The following RALGPS2 variants were observed in gnomAD, a reference collection of about 807,000 sequenced individuals.
The protein encoded by RALGPS2 is Ral GEF with PH domain and SH3 binding motif 2, also known as ras-specific guanine nucleotide-releasing factor RalGPS2.
In RALGPS2, 43 loss-of-function variants were observed where a neutral mutation model predicts 86.8. The ratio of observed to expected loss-of-function variants is 0.50; its 90% CI spans 0.39 to 0.64. The LOEUF (loss-of-function observed/expected upper bound fraction) is 0.64, where lower values mean the gene tolerates loss of function less well. RALGPS2 is among the 30% of genes least tolerant of loss of function. RALGPS2 has a pLI of 0.00. For synonymous variants in RALGPS2, 243 were observed against 231.3 expected (o/e 1.05, Z -0.46); for missense variants, 536 against 694.6 (o/e 0.77, Z 2.57).
intron 4 of RALGPS2, among the ~76,000 whole-genome samples, chr1:178,792,350 A>G (rs2102147823): frequency 6.6e-6 from 1 of 152,332 alleles, no homozygotes; most frequent in South Asian, 2.1e-4. Flanking sequence ...CCAAAAATTC[A>G]GCCTTTCCAC....
At chr1:178,760,019 T>C (rs1572295244) in intron 1 of RALGPS2, among the ~76,000 whole-genome samples, 1 of 152,324 alleles carries the variant, frequency 6.6e-6, no homozygotes, top group East Asian at 1.9e-4. Flanking sequence ...TAAGATAATA[T>C]TGTCTGTAAA....
At chr1:178,846,777 A>G (rs973009488) in intron 8 of RALGPS2, among the ~76,000 whole-genome samples, 1 of 152,218 alleles carries the variant, frequency 6.6e-6, no homozygotes, top group African/African-American at 2.4e-5. Context: ...GGTGTTTCCA[A>G]CTGTGAATAT....
At chr1:178,892,109 C>T in intron 14 of RALGPS2, 121 bp from the exon 15 acceptor site, 1 of 957,010 alleles carries the variant, frequency 1.0e-6, no homozygotes, top group East Asian at 2.8e-5. Flanking sequence ...ACATACTATC[C>T]TTTTGTAAGA....
chr1:178,919,022 T>C lies in RALGPS2; in HGVS notation c.*2663T>C, dbSNP rs975330848. ...CAGTTATAATTTCAATTTAAGCCTG[T>C]TTATGATAAGCATAATGATTGGCAT... On this transcript the variant is annotated 3_prime_UTR_variant, in exon 20 of 20. Coordinates refer to ENST00000367635, the MANE Select transcript of RALGPS2 (RefSeq NM_152663.5). 1.3e-5 allele frequency: 2 copies of C among 152,044 alleles called. No homozygotes were observed. The highest frequency in any genetic ancestry group is 4.8e-5 in the African/African-American group (2 of 41,436). 9.4% of individuals were successfully genotyped at this position (152,044 alleles called of 1,614,324 possible). A position where few individuals can be genotyped will look rare whatever the true frequency, so the allele number is the denominator to read the frequency against.
intron 8 of RALGPS2, among the ~76,000 whole-genome samples, chr1:178,852,246 T>C (rs1657219590): frequency 6.6e-6 from 1 of 152,154 alleles, no homozygotes; most frequent in Non-Finnish European, 1.5e-5. Flanking sequence ...ATTTTCTTAC[T>C]CAGTTTTATT....
At chr1:178,760,640 A>G (rs745551463) in intron 1 of RALGPS2, among the ~76,000 whole-genome samples, 17 of 152,100 alleles carry the variant, frequency 1.1e-4, no homozygotes, top group South Asian at 2.1e-4. Context: ...GTGCCACTCT[A>G]TGTCTTGAGA....
chr1:178,889,285 A>G (rs968476209), intron 13 of RALGPS2, among the ~76,000 whole-genome samples: 4 of 152,036 alleles, frequency 2.6e-5, no homozygotes, highest in Non-Finnish European at 5.9e-5. Flanking sequence ...CAAGGATTTT[A>G]TAATTATATT....
At chr1:178,915,103 G>A (rs1324813420) in intron 19 of RALGPS2, among the ~76,000 whole-genome samples, 1 of 152,196 alleles carries the variant, frequency 6.6e-6, no homozygotes, top group Non-Finnish European at 1.5e-5. Context: ...GCAAGAATTA[G>A]AATAGTGGCA....
intron 7 of RALGPS2, among the ~76,000 whole-genome samples, chr1:178,828,094 C>T (rs77278016): frequency 0.03 from 4,602 of 152,102 alleles, 227 homozygotes; most frequent in African/African-American, 0.1. Context: ...GTACAAGCAA[C>T]GAAAGCAAAA....
chr1:178,856,198 G>GATATATATATATATATATATAT (rs1232946834), intron 8 of RALGPS2, among the ~76,000 whole-genome samples: 8 of 47,266 alleles, frequency 1.7e-4, no homozygotes, highest in African/African-American at 3.7e-4. Context: ...TCCAGAGAGA[G>GATATATATATATATATATATAT]AGAGATATAT....
chr1:178,886,374 G>A (rs890473664), intron 13 of RALGPS2, among the ~76,000 whole-genome samples: 3 of 152,226 alleles, frequency 2.0e-5, no homozygotes, highest in African/African-American at 4.8e-5. Context: ...AACTGCATGT[G>A]ATTTGGATAT....
chr1:178,788,841 CTTTCTTTTCTTTTCT>C (rs199644509), intron 4 of RALGPS2, among the ~76,000 whole-genome samples: 2,916 of 132,468 alleles, frequency 0.022, 96 homozygotes, highest in African/African-American at 0.067. Flanking sequence ...TTCTTTCTTT[CTTTCTTTTCTTTTCT>C]TTTCTTTTCT....
chr1:178,864,769 G>C (rs576263475), intron 8 of RALGPS2, among the ~76,000 whole-genome samples: 4 of 152,030 alleles, frequency 2.6e-5, no homozygotes, highest in Non-Finnish European at 5.9e-5. Flanking sequence ...TAAACTCCTG[G>C]AACTTCAGAG....
chr1:178,798,297 C>G (rs540498437), intron 4 of RALGPS2, among the ~76,000 whole-genome samples: 1 of 152,296 alleles, frequency 6.6e-6, no homozygotes, highest in South Asian at 2.1e-4. Flanking sequence ...CCTCGCGTTG[C>G]TATTACAGTG....
At chr1:178,787,771 C>T (rs1026573175) in intron 4 of RALGPS2, among the ~76,000 whole-genome samples, 1 of 152,128 alleles carries the variant, frequency 6.6e-6, no homozygotes, top group Non-Finnish European at 1.5e-5. Flanking sequence ...TCCAGTCTAT[C>T]TCTACTCCCA....
chr1:178,907,075 C>G (rs1241935213), intron 19 of RALGPS2, among the ~76,000 whole-genome samples: 1 of 152,174 alleles, frequency 6.6e-6, no homozygotes, highest in Non-Finnish European at 1.5e-5. Context: ...AAATTTCGAA[C>G]AGTCAGAACT....
chr1:178,882,544 C>A (rs1659299763), intron 10 of RALGPS2, among the ~76,000 whole-genome samples: 1 of 152,150 alleles, frequency 6.6e-6, no homozygotes, highest in Admixed American at 6.5e-5. Context: ...GTAGATTTAT[C>A]ATTATAAATG....
At chr1:178,784,105 C>T (rs1412295877) in intron 2 of RALGPS2, among the ~76,000 whole-genome samples, 1 of 151,916 alleles carries the variant, frequency 6.6e-6, no homozygotes, top group African/African-American at 2.4e-5. Context: ...TTCCCTTTAC[C>T]TTATTTGAGA....
chr1:178,789,934 A>T (rs564809943), intron 4 of RALGPS2, among the ~76,000 whole-genome samples: 34 of 152,254 alleles, frequency 2.2e-4, no homozygotes, highest in East Asian at 1.5e-3. Context: ...GGAAGAAATG[A>T]TGTAGCACCA....
Sources: gnomAD v4.1 joint callset for allele counts (sites outside exome capture counted in the v4.1 genomes callset) on GRCh38, gnomAD v4.1.1 for gene constraint, MANE v1.5 for transcripts, NCBI Gene and HGNC (gene_info 2026-07-23, HGNC 2026-07-21) for gene names.